Variants in PHF2 observed in about 807,000 individuals in gnomAD.
PHF2 encodes lysine-specific demethylase PHF2.
Under a neutral mutation model 120.5 loss-of-function variants are expected in PHF2, and 27 were observed. The ratio of observed to expected loss-of-function variants is 0.22; its 90% CI spans 0.17 to 0.31. The LOEUF is 0.31. Among genes scored for constraint, PHF2 ranks in the 10% least tolerant of loss-of-function variants. PHF2 has a pLI of 1.00. For synonymous variants in PHF2, 568 were observed against 592.5 expected, an observed-to-expected ratio of 0.96 and a Z score of 0.60; for missense variants, 1,024 against 1,434.8, an observed-to-expected ratio of 0.71 and a Z score of 4.63.
At chr9:93,593,714 A>C (rs1825277864) in intron 1 of PHF2, among the ~76,000 whole-genome samples, 1 of 152,254 alleles carries the variant, frequency 6.6e-6, no homozygotes, top group South Asian at 2.1e-4. Context: ...ATCGGAAATT[A>C]TGCAGTCGTC....
At chr9:93,630,175 G>A (rs554690444) in intron 2 of PHF2, 120 bp downstream of exon 2, 6 of 924,348 alleles carry the variant, frequency 6.5e-6, no homozygotes, top group South Asian at 4.2e-5. Context: ...GGGGCAAAAC[G>A]CCCTGAGTAG....
Position 93,673,766 on chromosome 9 carries a change from C to G in PHF2, c.2530C>G (p.Arg844Gly). ...TGGCAGTGGCAAGAGTGCAGGCAAA[C>G]GACTGCTGAAGAGGGCTGCCAAGAA... Reference protein sequence around the residue: ...GGGSGKSAGKRLLKRAAKNSV... With the variant: ...GGGSGKSAGKGLLKRAAKNSV... The change falls in exon 18 of 22, where the codon CGA becomes GGA. Residue 844 changes from arginine to glycine, a missense_variant. By Grantham distance (125) the Arg-to-Gly change is moderately radical (BLOSUM62 -2). Around this residue, in one of 2 missense-constraint regions of PHF2, gnomAD observed 677 missense variants for 857.4 expected, o/e 0.79. Coordinates refer to ENST00000359246, the MANE Select transcript of PHF2 (RefSeq NM_005392.4). 6.2e-7 allele frequency: 1 copy of G among 1,613,414 alleles called. No homozygotes were observed. Among genetic ancestry groups the G allele is most frequent in the Non-Finnish European group, 8.5e-7 (1 of 1,179,738 alleles).
intron 1 of PHF2, among the ~76,000 whole-genome samples, chr9:93,629,701 G>A (rs548603025): frequency 6.6e-6 from 1 of 152,310 alleles, no homozygotes; most frequent in South Asian, 2.1e-4. Flanking sequence ...GGCAGGCTTG[G>A]TAGATGGCCT....
intron 18 of PHF2, 25 bp from the exon 19 acceptor site, chr9:93,674,902 A>G (rs1045086018): frequency 2.5e-6 from 4 of 1,582,646 alleles, no homozygotes; most frequent in South Asian, 1.1e-5. Flanking sequence ...TCAGCGGGCC[A>G]CGCCTTCCCT....
At chr9:93,663,670 C>T (rs373255014) in intron 14 of PHF2, 35 bp downstream of exon 14, 12 of 1,244,662 alleles carry the variant, frequency 9.6e-6, no homozygotes, top group Admixed American at 7.0e-5. Context: ...GGTGACCTCG[C>T]GCATAACCGA....
chr9:93,636,260 T>C, intron 2 of PHF2, 151 bp from the exon 3 acceptor site: 1 of 608,828 alleles, frequency 1.6e-6, no homozygotes, highest in East Asian at 2.8e-5. Context: ...CATGGCAGGG[T>C]GGGGGTGTCA....
rs775799870 is a variant in PHF2, at chr9:93,658,164, G to C, written c.1167G>C (p.Lys389Asn). 5 of 1,612,844 alleles carry C rather than the reference G, an allele frequency of 3.1e-6. No individual in the cohort carries two copies. Among genetic ancestry groups the C allele is most frequent in the Non-Finnish European group, 4.2e-6 (5 of 1,179,418 alleles). Residue 389 changes from lysine to asparagine, a missense_variant, in exon 10 of 22, where the codon AAG becomes AAC. Coordinates refer to ENST00000359246, the MANE Select transcript of PHF2 (RefSeq NM_005392.4). Reference protein sequence around the residue: ...EAFKGSHKSGKQLPPHLVQGA... With the variant: ...EAFKGSHKSGNQLPPHLVQGA... ...TCCCAGGCTCTCACAAATCTGGGAA[G>C]CAGCTGCCCCCTCATCTAGTCCAAG... is the stretch of plus-strand genomic sequence containing the variant.
intron 1 of PHF2, among the ~76,000 whole-genome samples, chr9:93,627,380 A>G (rs1033969310): frequency 2.6e-5 from 4 of 151,972 alleles, no homozygotes; most frequent in South Asian, 4.1e-4. Flanking sequence ...AGGTATAGAA[A>G]GTTTTTCTGT....
rs193264590 is a variant in PHF2, at chr9:93,584,833, C to A, written c.98+7962C>A. ...TTCAGCCTGTAGATTGCTTTGTCATCTTAATAGTATTAAGTCTTTTGATCC... is the reference window on the plus strand; with the variant it reads ...TTCAGCCTGTAGATTGCTTTGTCATATTAATAGTATTAAGTCTTTTGATCC... On this transcript the variant is annotated intron_variant, in intron 1 of 21. Transcript: ENST00000359246. Among the ~76,000 whole-genome samples, 18 of 152,310 alleles carry A rather than the reference C, an allele frequency of 1.2e-4. No homozygotes were observed. In the East Asian group the frequency reaches 3.5e-3, roughly 29 times the overall value.
At position 93,636,507 on chromosome 9, in the gene PHF2, G is replaced by A. The variant is rs756847481; in HGVS notation, c.281G>A (p.Arg94Gln). The change falls in exon 3 of 22, where the codon CGG becomes CAG. Residue 94 changes from arginine (R) to glutamine (Q), a missense_variant. Physicochemically the swap from Arg to Gln is conservative, Grantham distance 43. Coordinates refer to ENST00000359246, the MANE Select transcript of PHF2 (RefSeq NM_005392.4). ...AGCCAGCTCTTCATCAAGGAGCTGCGGAGCCGGACCTTTCCCAGGTGGGCT... is the reference window on the plus strand; with the variant it reads ...AGCCAGCTCTTCATCAAGGAGCTGCAGAGCCGGACCTTTCCCAGGTGGGCT... Reference protein sequence around the residue: ...NGSQLFIKELRSRTFPSAEDV... With the variant: ...NGSQLFIKELQSRTFPSAEDV... 1.7e-5 allele frequency: 27 copies of A among 1,594,896 alleles called. No individual in the cohort carries two copies. The highest frequency in any genetic ancestry group is 6.8e-5 in the East Asian group (3 of 44,108).
chr9:93,599,826 C>T (rs964019753), intron 1 of PHF2, among the ~76,000 whole-genome samples: 1 of 152,240 alleles, frequency 6.6e-6, no homozygotes, highest in African/African-American at 2.4e-5. Flanking sequence ...GCCACGCTCC[C>T]AGTTCCGTTG....
chr9:93,651,653 C>T (rs867349884), intron 5 of PHF2, among the ~76,000 whole-genome samples: 19 of 152,144 alleles, frequency 1.2e-4, no homozygotes, highest in African/African-American at 3.1e-4. Context: ...TGTGGCAGGT[C>T]TAGGGTGATG....
intron 1 of PHF2, among the ~76,000 whole-genome samples, chr9:93,613,864 A>G (rs1249813451): frequency 6.6e-6 from 1 of 152,098 alleles, no homozygotes; most frequent in Non-Finnish European, 1.5e-5. Flanking sequence ...ATGAGCCACC[A>G]CACCTGGCCC....
At chr9:93,598,224 C>G (rs565602749) in intron 1 of PHF2, among the ~76,000 whole-genome samples, 1 of 152,228 alleles carries the variant, frequency 6.6e-6, no homozygotes, top group Non-Finnish European at 1.5e-5. Context: ...GCCCAACTCA[C>G]GCCAGGCATG....
chr9:93,600,565 G>A (rs1416603046), intron 1 of PHF2, among the ~76,000 whole-genome samples: 3 of 152,228 alleles, frequency 2.0e-5, no homozygotes, highest in Non-Finnish European at 2.9e-5. Context: ...TGACCAGAGT[G>A]AGCTCTTCAC....
chr9:93,611,315 T>G (rs894015372), intron 1 of PHF2, among the ~76,000 whole-genome samples: 3 of 151,570 alleles, frequency 2.0e-5, no homozygotes, highest in African/African-American at 4.9e-5. Flanking sequence ...CTCAGGAGCC[T>G]GAGGCAGAAG....
chr9:93,664,787 T>C (rs1229037507), intron 14 of PHF2, among the ~76,000 whole-genome samples: 1 of 152,084 alleles, frequency 6.6e-6, no homozygotes, highest in African/African-American at 2.4e-5. Flanking sequence ...TGCTAGGGAG[T>C]TGACGATAGA....
intron 10 of PHF2, 89 bp from the exon 11 acceptor site, chr9:93,659,422 G>A: frequency 1.9e-6 from 2 of 1,048,556 alleles, no homozygotes; most frequent in Non-Finnish European, 2.9e-6. Flanking sequence ...GAGTGGCTCG[G>A]CAGTCAGGCG....
At position 93,660,539 on chromosome 9, in the gene PHF2, G is replaced by A; in HGVS notation, c.1677G>A (p.Met559Ile). Residue 559 changes from methionine to isoleucine, a missense_variant, in exon 12 of 22, where the codon ATG (methionine) becomes ATA (isoleucine). Coordinates refer to ENST00000359246, the MANE Select transcript of PHF2 (RefSeq NM_005392.4). ...EAHTKEALTKMEPPKKGKATK... is the reference protein window; with the variant it reads ...EAHTKEALTKIEPPKKGKATK... ...ACACCAAGGAGGCACTGACCAAGAT[G>A]GAGCCGCCCAAGAAGGGCAAGGTGG... 4 of 1,574,696 alleles carry A rather than the reference G, an allele frequency of 2.5e-6. No individual in the cohort carries two copies. The highest frequency in any genetic ancestry group is 2.6e-6 in the Non-Finnish European group (3 of 1,164,328).
Sources: allele counts gnomAD v4.1 joint callset (sites outside exome capture counted in the v4.1 genomes callset), GRCh38; gene constraint gnomAD v4.1.1; regional missense constraint gnomAD v4.1.1; transcripts MANE v1.5; gene names NCBI Gene and HGNC (gene_info 2026-07-23, HGNC 2026-07-21).